TMEM26: variants seen among roughly 807,000 people sequenced by gnomAD.
TMEM26 encodes transmembrane protein 26.
Under a neutral mutation model 28.8 loss-of-function variants are expected in TMEM26, and 38 were observed. The observed-to-expected ratio is 1.32, with a 90% CI of 1.02 to 1.73. The LOEUF (loss-of-function observed/expected upper bound fraction) is 1.73, where lower values mean the gene tolerates loss of function less well. Ranked by LOEUF, TMEM26 falls within the 40% of genes most tolerant of loss-of-function variation. TMEM26 has a pLI of 0.00. For missense variants in TMEM26, 518 were observed against 447.1 expected (o/e 1.16, Z -1.43); for synonymous variants, 227 against 182.9 (o/e 1.24, Z -1.95).
intron 1 of TMEM26, among the ~76,000 whole-genome samples, chr10:61,448,304 A>G (rs1009960956): frequency 2.0e-5 from 3 of 152,154 alleles, no homozygotes; most frequent in African/African-American, 7.2e-5. Flanking sequence ...TCTCCTCTGA[A>G]CTGCTGGAGT....
At chr10:61,434,694 G>C (rs920116549) in intron 2 of TMEM26, among the ~76,000 whole-genome samples, 1 of 152,132 alleles carries the variant, frequency 6.6e-6, no homozygotes, top group African/African-American at 2.4e-5. Flanking sequence ...AGATTGAAGG[G>C]AGAAAAATGT....
At chr10:61,431,101 C>A in intron 3 of TMEM26, 118 bp downstream of exon 3, 1 of 760,506 alleles carries the variant, frequency 1.3e-6, no homozygotes, top group Admixed American at 2.7e-5. Flanking sequence ...CTAAGCCAAA[C>A]AATGGATAAC....
chr10:61,421,136 C>G (rs966705326), intron 4 of TMEM26, among the ~76,000 whole-genome samples: 4 of 151,804 alleles, frequency 2.6e-5, no homozygotes, highest in Non-Finnish European at 5.9e-5. Context: ...TAGTTTTACC[C>G]TATAATAGAG....
chr10:61,414,411 G>A (rs552917336), intron 4 of TMEM26: 1 of 152,158 alleles, frequency 6.6e-6, no homozygotes, highest in South Asian at 2.1e-4. Context: ...GGTCTGAAAA[G>A]CATCAAGGAG....
In TMEM26 at chr10:61,410,154, C is replaced by G. The variant is rs372467343; in HGVS notation, c.*168G>C. 29 of 679,452 alleles carry G rather than the reference C, an allele frequency of 4.3e-5. No individual in the cohort carries two copies. In the African/African-American group the frequency reaches 5.1e-4, roughly 12 times the overall value. The allele number at this position is 679,452 out of a possible 1,614,324, so 42.1% of individuals were successfully genotyped here. Reference sequence around the variant, plus strand: ...TAGCAATAGTCACTAATCAAAGTTCCTTCTATTCAGTTGAAAAAAGAAAAT... The same window carrying G: ...TAGCAATAGTCACTAATCAAAGTTCGTTCTATTCAGTTGAAAAAAGAAAAT... On this transcript the variant is annotated 3_prime_UTR_variant, in exon 6 of 6. Coordinates refer to ENST00000399298, the MANE Select transcript of TMEM26 (RefSeq NM_178505.8).
intron 4 of TMEM26, among the ~76,000 whole-genome samples, chr10:61,422,425 T>G (rs769147690): frequency 6.6e-6 from 1 of 151,884 alleles, no homozygotes; most frequent in Non-Finnish European, 1.5e-5. Flanking sequence ...TCTCCATAAA[T>G]TTAAAAAAAC....
In TMEM26 at chr10:61,439,921, T is replaced by G. The variant is rs148666353; in HGVS notation, c.192-3673A>C. On this transcript the variant is annotated intron_variant, in intron 1 of 5. Coordinates refer to ENST00000399298, the MANE Select transcript of TMEM26 (RefSeq NM_178505.8). Reference sequence around the variant, plus strand: ...TTTATATAATTTATAATGACTTATATTTTTAAACCATGATTCTCAAAACTA... The same window carrying G: ...TTTATATAATTTATAATGACTTATAGTTTTAAACCATGATTCTCAAAACTA... Among the ~76,000 whole-genome samples the G allele has an allele frequency of 8.0e-3, 1,221 of 152,312 alleles. 11 individuals are homozygous for G. Among genetic ancestry groups the G allele is most frequent in the African/African-American group, 0.024 (980 of 41,574 alleles).
chr10:61,413,016 A>G (rs749295306), intron 5 of TMEM26: 1 of 1,213,464 alleles, frequency 8.2e-7, no homozygotes, highest in African/African-American at 1.6e-5. Context: ...AAGAATGAAA[A>G]TTACTTCTTA....
chr10:61,410,799 A>C, intron 5 of TMEM26, 53 bp from the exon 6 acceptor site: 1 of 1,557,488 alleles, frequency 6.4e-7, no homozygotes. Context: ...GTAGACATAT[A>C]AGACAATGCC....
intron 5 of TMEM26, among the ~76,000 whole-genome samples, chr10:61,411,818 C>A (rs77114531): frequency 6.6e-6 from 1 of 152,160 alleles, no homozygotes; most frequent in Non-Finnish European, 1.5e-5. Context: ...ACAAAGAATG[C>A]CTTCGTCTAC....
At chr10:61,452,739 G>A in intron 1 of TMEM26, 152 bp downstream of exon 1, 4 of 969,148 alleles carry the variant, frequency 4.1e-6, no homozygotes, top group Admixed American at 4.6e-5. Flanking sequence ...CAAGAGATGC[G>A]CAAGCATCTC....
In TMEM26 at chr10:61,409,454, C is replaced by G. The variant is rs1839536596; in HGVS notation, c.*868G>C. The stretch of plus-strand genomic sequence containing the variant: ...GAAACCATGGAAACACTTACAGGGC[C>G]CGAAACACCTTTATTCACTGCTTCA... On this transcript the variant is annotated 3_prime_UTR_variant, in exon 6 of 6. Coordinates refer to ENST00000399298, the MANE Select transcript of TMEM26 (RefSeq NM_178505.8). 6.6e-6 allele frequency: 1 copy of G among 152,178 alleles called. No homozygotes were observed. Among genetic ancestry groups the G allele is most frequent in the African/African-American group, 2.4e-5 (1 of 41,414 alleles). 9.4% of individuals were successfully genotyped at this position (152,178 alleles called of 1,614,324 possible).
At chr10:61,416,135 G>A (rs1251534030) in intron 4 of TMEM26, 3 of 447,350 alleles carry the variant, frequency 6.7e-6, no homozygotes, top group Non-Finnish European at 1.3e-5. Context: ...TGCAGAAAAA[G>A]TTGTTGAGGA....
intron 4 of TMEM26, among the ~76,000 whole-genome samples, chr10:61,422,639 G>A (rs1484893714): frequency 6.6e-6 from 1 of 152,104 alleles, no homozygotes; most frequent in African/African-American, 2.4e-5. Context: ...ATTTCTGGGT[G>A]CAGGCAAAGC....
intron 4 of TMEM26, among the ~76,000 whole-genome samples, chr10:61,424,887 A>G (rs575977026): frequency 4.6e-4 from 70 of 152,334 alleles, no homozygotes; most frequent in African/African-American, 1.6e-3. Flanking sequence ...TGCCAAAAAT[A>G]AAAAATAAAC....
At chr10:61,438,999 C>G (rs537953168) in intron 1 of TMEM26, among the ~76,000 whole-genome samples, 1 of 152,300 alleles carries the variant, frequency 6.6e-6, no homozygotes, top group East Asian at 1.9e-4. Context: ...CAATCCTCAG[C>G]CTTGTTTAAC....
chr10:61,441,829 A>G (rs1018778398), intron 1 of TMEM26, among the ~76,000 whole-genome samples: 1 of 152,190 alleles, frequency 6.6e-6, no homozygotes, highest in Non-Finnish European at 1.5e-5. Context: ...TCCAATATGA[A>G]TTCTTCAATG....
rs375782533 is a variant in TMEM26, at chr10:61,429,096, T to C, written c.435A>G (p.Thr145=). ...NLSTVCEKVW[T]LGLHQTFLLM... is the part of the protein sequence containing the mutation. ...ACAGGAATGTCTGATGGAGTCCCAA[T>C]GTCCAAACTTTCTCACATACTGTAG... Residue 145 remains threonine (T), a synonymous_variant, in exon 4 of 6, where the codon ACA becomes ACG. Transcript: ENST00000399298. 2.5e-6 allele frequency: 4 copies of C among 1,613,328 alleles called. No homozygotes were observed. Among genetic ancestry groups the C allele is most frequent in the Admixed American group, 1.7e-5 (1 of 59,944 alleles).
Position 61,410,620 on chromosome 10 carries a change from A to G in TMEM26, c.809T>C (p.Val270Ala). 1 of 1,614,120 alleles carries G rather than the reference A, an allele frequency of 6.2e-7. No individual in the cohort carries two copies. Among genetic ancestry groups the G allele is most frequent in the Non-Finnish European group, 8.5e-7 (1 of 1,180,006 alleles). The change falls in exon 6 of 6, where the codon GTC becomes GCC. Residue 270 changes from valine to alanine, a missense_variant. Physicochemically the swap from Val to Ala is moderately conservative, Grantham distance 64. Transcript: ENST00000399298. ...SVFIQDGPFL[V>A]VRLILMTYFK... ...ATAGGTCATCAGTATGAGACGCACGACAAGGAAGGGGCCATCTTGTATGAA... is the reference window on the plus strand; with the variant it reads ...ATAGGTCATCAGTATGAGACGCACGGCAAGGAAGGGGCCATCTTGTATGAA...
Sources: allele counts gnomAD v4.1 joint callset (sites outside exome capture counted in the v4.1 genomes callset), GRCh38; gene constraint gnomAD v4.1.1; transcripts MANE v1.5; gene names NCBI Gene and HGNC (gene_info 2026-07-23, HGNC 2026-07-21).